The following CCT5 variants were observed in gnomAD, a reference collection of about 807,000 sequenced individuals.
CCT5 encodes chaperonin containing TCP1 subunit 5.
Under a neutral mutation model 55.0 loss-of-function variants are expected in CCT5, and 6 were observed. The ratio of observed to expected loss-of-function variants is 0.11; its 90% CI spans 0.06 to 0.22. The LOEUF (loss-of-function observed/expected upper bound fraction) is 0.22. CCT5 is among the 10% of genes least tolerant of loss of function. The pLI is 1.00. For synonymous variants in CCT5, 231 were observed against 243.7 expected, an observed-to-expected ratio of 0.95 and a Z score of 0.49; for missense variants, 560 against 694.6, an observed-to-expected ratio of 0.81 and a Z score of 2.18.
In CCT5 at chr5:10,264,843, G is replaced by C; in HGVS notation, c.*60G>C. On this transcript the variant is annotated 3_prime_UTR_variant, in exon 11 of 11. Coordinates refer to ENST00000280326, the MANE Select transcript of CCT5 (RefSeq NM_012073.5). ...CTGTGATTAAGTAAATGGATGTCTC[G>C]TGATGCATCTACAGTTATTTATTGT... 1 of 1,603,958 alleles carries C rather than the reference G, an allele frequency of 6.2e-7. No homozygotes were observed. Among genetic ancestry groups the C allele is most frequent in the Non-Finnish European group, 8.5e-7 (1 of 1,171,532 alleles).
intron 9 of CCT5, 101 bp downstream of exon 9, chr5:10,262,719 G>A (rs968152394): frequency 2.3e-5 from 29 of 1,249,790 alleles, no homozygotes; most frequent in Non-Finnish European, 2.8e-5. Context: ...AACAAGCATC[G>A]TGAGCTGTGT....
intron 4 of CCT5, among the ~76,000 whole-genome samples, chr5:10,257,343 A>C (rs964737434): frequency 6.6e-6 from 1 of 152,198 alleles, no homozygotes; most frequent in African/African-American, 2.4e-5. Context: ...TTATTTTCTC[A>C]TGAAAGGAGG....
intron 2 of CCT5, chr5:10,254,406 T>TC (rs1554010566): frequency 1.6e-6 from 1 of 608,390 alleles, no homozygotes; most frequent in Non-Finnish European, 2.9e-6. Flanking sequence ...TTTTTTTTTT[T>TC]TTTAGCATGT....
chr5:10,252,302 A>G, intron 1 of CCT5, among the ~76,000 whole-genome samples: 1 of 152,202 alleles, frequency 6.6e-6, no homozygotes. Context: ...ATTGAAGGCA[A>G]CGGTAAAAGA....
At chr5:10,258,018 A>G (rs2126507079) in intron 4 of CCT5, 93 bp from the exon 5 acceptor site, 1 of 1,305,610 alleles carries the variant, frequency 7.7e-7, no homozygotes, top group South Asian at 1.2e-5. Flanking sequence ...ACATCGTTTG[A>G]TTTATATCTT....
chr5:10,258,442 A>C lies in CCT5; in HGVS notation c.780A>C (p.Pro260=), dbSNP rs1382837588. 6.2e-7 allele frequency: 1 copy of C among 1,614,110 alleles called. No individual in the cohort carries two copies. The highest frequency in any genetic ancestry group is 1.3e-5 in the African/African-American group (1 of 75,074). The change falls in exon 6 of 11, where the codon CCA becomes CCC. Residue 260 remains proline (P), a synonymous_variant. Coordinates refer to ENST00000280326, the MANE Select transcript of CCT5 (RefSeq NM_012073.5). ...CATGTCCATTTGAACCACCCAAACC[A>C]AAAACAAAGCATAAGCTGGATGTGA... ...ILTCPFEPPK[P]KTKHKLDVTS...
Position 10,263,124 on chromosome 5 carries a change from AC to A in CCT5, c.1318-8del. 6.2e-7 allele frequency: 1 copy of A among 1,613,674 alleles called. No individual in the cohort carries two copies. Among genetic ancestry groups the A allele is most frequent in the Non-Finnish European group, 8.5e-7 (1 of 1,179,780 alleles). On this transcript the variant is annotated splice_polypyrimidine_tract_variant and intron_variant, in intron 9 of 10. Transcript: ENST00000280326. The stretch of plus-strand genomic sequence containing the variant: ...CCAAGTGCACTCACCATACTTCTGT[AC>A]CTTTCCAGTGCCCCACCTTAGAACA...
chr5:10,250,705 G>A, intron 1 of CCT5: 3 of 1,318,874 alleles, frequency 2.3e-6, no homozygotes, highest in Non-Finnish European at 2.9e-6. Context: ...CGCTCAGTCC[G>A]GTCGCCCGCG....
In CCT5 at chr5:10,255,939, G is replaced by C. The variant is rs1309029441; in HGVS notation, c.332-16G>C. The C allele has an allele frequency of 1.9e-6, 3 of 1,612,682 alleles. No individual in the cohort carries two copies. Among genetic ancestry groups the C allele is most frequent in the East Asian group, 4.5e-5 (2 of 44,876 alleles). ...TGTTGTTTGCCTGAACTGATTGTCT[G>C]CTGGCTTATTTGCAGTCCTGGCTGG... On this transcript the variant is annotated splice_polypyrimidine_tract_variant and intron_variant, in intron 3 of 10. Transcript: ENST00000280326.
At chr5:10,256,888 A>T (rs1745710975) in intron 4 of CCT5, among the ~76,000 whole-genome samples, 2 of 152,186 alleles carry the variant, frequency 1.3e-5, no homozygotes, top group Admixed American at 1.3e-4. Flanking sequence ...GCGTTCGTGT[A>T]ATGTCCGTTT....
chr5:10,265,914 ACT>A lies in CCT5; in HGVS notation c.*1134_*1135del, dbSNP rs1478384233. The A allele has an allele frequency of 2.0e-5, 3 of 152,036 alleles. No homozygotes were observed. Among genetic ancestry groups the A allele is most frequent in the Admixed American group, 6.6e-5 (1 of 15,260 alleles). The allele number at this position is 152,036 out of a possible 1,614,324, so 9.4% of individuals were successfully genotyped here. On this transcript the variant is annotated 3_prime_UTR_variant, in exon 11 of 11. Coordinates refer to ENST00000280326, the MANE Select transcript of CCT5 (RefSeq NM_012073.5). ...GATTTCCTAGAATTAGGAAATGGTG[ACT>A]CTTGTCTAAATTTGGTTAAGTGATG... is the stretch of plus-strand genomic sequence containing the variant.
upstream of CCT5, chr5:10,250,068 A>C: frequency 6.5e-7 from 1 of 1,539,462 alleles, no homozygotes; most frequent in Non-Finnish European, 8.7e-7. Flanking sequence ...AAAATGACAA[A>C]TTCAATCTGC....
At chr5:10,255,035 T>A (rs1745604434) in intron 3 of CCT5, 197 bp downstream of exon 3, 1 of 601,096 alleles carries the variant, frequency 1.7e-6, no homozygotes, top group Admixed American at 2.6e-5. Context: ...GGGCTGGGGA[T>A]TGTTAGGCAT....
In CCT5 at chr5:10,252,110, C is replaced by T. The variant is rs573035651; in HGVS notation, c.105+1665C>T. Among the ~76,000 whole-genome samples the T allele has an allele frequency of 2.0e-5, 3 of 152,286 alleles. No individual in the cohort carries two copies. In the East Asian group the frequency reaches 5.8e-4, roughly 29 times the overall value. On this transcript the variant is annotated intron_variant, in intron 1 of 10. Transcript: ENST00000280326. ...AGTTTGGCATATTGACATTCGAGGTCGGATCATTCTTTGCTGTGGGAGCTC... is the reference window on the plus strand; with the variant it reads ...AGTTTGGCATATTGACATTCGAGGTTGGATCATTCTTTGCTGTGGGAGCTC...
chr5:10,262,986 T>A (rs1746040382), intron 9 of CCT5, 148 bp from the exon 10 acceptor site: 4 of 731,784 alleles, frequency 5.5e-6, no homozygotes, highest in Non-Finnish European at 9.7e-6. Context: ...ATTATAATAT[T>A]CTGATAGATA....
chr5:10,253,999 C>A, intron 1 of CCT5, 146 bp from the exon 2 acceptor site: 1 of 667,854 alleles, frequency 1.5e-6, no homozygotes, highest in South Asian at 1.6e-5. Flanking sequence ...TGTTATAATA[C>A]TTAAACCTGT....
intron 7 of CCT5, 93 bp downstream of exon 7, chr5:10,261,004 C>A: frequency 1.5e-6 from 2 of 1,311,126 alleles, no homozygotes; most frequent in Non-Finnish European, 1.1e-6. Flanking sequence ...ATAACTGCAT[C>A]ACACCAAGGC....
chr5:10,261,082 C>T, intron 7 of CCT5, 171 bp downstream of exon 7: 2 of 755,144 alleles, frequency 2.6e-6, no homozygotes, highest in Non-Finnish European at 4.7e-6. Context: ...GTTTGGATAA[C>T]AGTGCTGTGT....
intron 4 of CCT5, among the ~76,000 whole-genome samples, chr5:10,257,196 CCT>C (rs1745726868): frequency 6.6e-6 from 1 of 152,176 alleles, no homozygotes; most frequent in African/African-American, 2.4e-5. Flanking sequence ...TGCCTTTTCC[CCT>C]GAGCAAAGCC....
Sources: allele counts gnomAD v4.1 joint callset (sites outside exome capture counted in the v4.1 genomes callset), GRCh38; gene constraint gnomAD v4.1.1; transcripts MANE v1.5; gene names NCBI Gene and HGNC (gene_info 2026-07-23, HGNC 2026-07-21).